The following MAP3K2 variants were observed in gnomAD, a reference collection of about 807,000 sequenced individuals.
The protein encoded by MAP3K2 is MAP/ERK kinase kinase 2.
MAP3K2 carries 24 observed loss-of-function variants against 80.3 expected under a neutral mutation model. The ratio of observed to expected loss-of-function variants is 0.30; its 90% CI spans 0.22 to 0.42. The LOEUF is 0.42. Ranked by LOEUF, MAP3K2 falls within the 10% of genes least tolerant of loss-of-function variation. MAP3K2 has a pLI of 1.00. For synonymous variants in MAP3K2, 244 were observed against 253.7 expected (o/e 0.96, Z 0.36); for missense variants, 608 against 750.1 (o/e 0.81, Z 2.21).
intron 1 of MAP3K2, among the ~76,000 whole-genome samples, chr2:127,345,125 A>G (rs896956912): frequency 1.3e-5 from 2 of 152,226 alleles, no homozygotes; most frequent in Non-Finnish European, 2.9e-5. Context: ...AAGTGCTGGG[A>G]CTACGAACCA....
Position 127,312,469 on chromosome 2 carries a change from T to G in MAP3K2, c.1456+2285A>C, listed in dbSNP as rs368846058. Reference sequence around the variant, plus strand: ...AAATACAGAAAAAGTATATAGGAGCTTGGCAACATAGCAATACCCTATCTC... The same window carrying G: ...AAATACAGAAAAAGTATATAGGAGCGTGGCAACATAGCAATACCCTATCTC... On this transcript the variant is annotated intron_variant, in intron 15 of 16. Transcript: ENST00000682094. 8.5e-5 allele frequency among the ~76,000 whole-genome samples: 13 copies of G among 152,288 alleles called. No individual in the cohort carries two copies. In the East Asian group the frequency reaches 2.3e-3, roughly 27 times the overall value.
Position 127,323,923 on chromosome 2 carries a change from G to A in MAP3K2, c.817C>T (p.His273Tyr). 6.5e-7 allele frequency: 1 copy of A among 1,534,676 alleles called. No homozygotes were observed. Among genetic ancestry groups the A allele is most frequent in the Non-Finnish European group, 8.9e-7 (1 of 1,125,832 alleles). Residue 273 changes from histidine to tyrosine, a missense_variant, in exon 11 of 17, where the codon CAT (histidine) becomes TAT (tyrosine). Transcript: ENST00000682094. ...TYPRRYHVSY[H>Y]HQEYNDGRKT... ...TTACCATCATTATACTCTTGATGATGATATGAAACATGATACCTTCTTGGA... is the reference window on the plus strand; with the variant it reads ...TTACCATCATTATACTCTTGATGATAATATGAAACATGATACCTTCTTGGA...
At position 127,336,985 on chromosome 2, in the gene MAP3K2, T is replaced by TA. The variant is rs1427847482; in HGVS notation, c.164+752dup. 2.0e-5 allele frequency among the ~76,000 whole-genome samples: 3 copies of TA among 151,924 alleles called. No homozygotes were observed. The East Asian group carries it at 5.8e-4, about 29-fold the overall frequency. ...GTGAAACCCTATCTCGACTAAAAAA[T>TA]ACGAAAATTAGCCAGGCATGGTGGC... On this transcript the variant is annotated intron_variant, in intron 4 of 16. Transcript: ENST00000682094.
rs1685572835 is a variant in MAP3K2 at position 127,300,624 on chromosome 2, C to T, written c.*6955G>A. Reference sequence around the variant, plus strand: ...TATAATATTTCAGAATTCAGGGTAGCAAATTTTAAAACCAATAACAATAGA... The same window carrying T: ...TATAATATTTCAGAATTCAGGGTAGTAAATTTTAAAACCAATAACAATAGA... On this transcript the variant is annotated 3_prime_UTR_variant, in exon 17 of 17. Coordinates refer to ENST00000682094, the MANE Select transcript of MAP3K2 (RefSeq NM_001371910.2). The T allele has an allele frequency of 6.6e-6, 1 of 152,186 alleles. No individual in the cohort carries two copies. Among genetic ancestry groups the T allele is most frequent in the South Asian group, 2.1e-4 (1 of 4,828 alleles). The allele number at this position is 152,186 out of a possible 1,614,324, so 9.4% of individuals were successfully genotyped here. A position where few individuals can be genotyped will look rare whatever the true frequency, so the allele number is the denominator to read the frequency against.
chr2:127,308,980 T>G (rs1685759014), intron 15 of MAP3K2, among the ~76,000 whole-genome samples: 1 of 152,164 alleles, frequency 6.6e-6, no homozygotes, highest in South Asian at 2.1e-4. Context: ...GTCAGCTGTG[T>G]GTTTAGGACC....
chr2:127,359,805 C>T (rs1181294520), intron 1 of MAP3K2, among the ~76,000 whole-genome samples: 1 of 152,166 alleles, frequency 6.6e-6, no homozygotes, highest in Non-Finnish European at 1.5e-5. Flanking sequence ...TGCTGGCTCC[C>T]CCTTCGCCTT....
intron 1 of MAP3K2, among the ~76,000 whole-genome samples, chr2:127,359,800 G>A (rs1383483457): frequency 6.6e-6 from 1 of 152,106 alleles, no homozygotes; most frequent in African/African-American, 2.4e-5. Flanking sequence ...TGAAGTGCTG[G>A]CTCCCCCTTC....
intron 1 of MAP3K2, among the ~76,000 whole-genome samples, chr2:127,378,952 G>A (rs1248133428): frequency 1.3e-5 from 2 of 149,142 alleles, no homozygotes; most frequent in South Asian, 2.1e-4. Flanking sequence ...GTGCTATCAC[G>A]TCTGGCTAAT....
chr2:127,387,423 A>ACACACACACACACACACGCGC (rs1553520024), intron 1 of MAP3K2, 29 bp downstream of exon 1: 1 of 442,066 alleles, frequency 2.3e-6, no homozygotes, highest in African/African-American at 6.3e-5. Flanking sequence ...CACACACACA[A>ACACACACACACACACACGCGC]GCGCGCGCGC....
intron 1 of MAP3K2, among the ~76,000 whole-genome samples, chr2:127,371,862 C>T (rs1214612720): frequency 6.6e-6 from 1 of 152,100 alleles, no homozygotes; most frequent in Non-Finnish European, 1.5e-5. Flanking sequence ...CAATGCAAGT[C>T]CAAATTTGAT....
chr2:127,368,586 C>T (rs1251788838), intron 1 of MAP3K2, among the ~76,000 whole-genome samples: 2 of 152,022 alleles, frequency 1.3e-5, no homozygotes, highest in Non-Finnish European at 2.9e-5. Context: ...CGTGCCACTG[C>T]ACTCCAGCCT....
At chr2:127,336,423 C>T (rs755777551) in intron 4 of MAP3K2, among the ~76,000 whole-genome samples, 4 of 152,166 alleles carry the variant, frequency 2.6e-5, no homozygotes, top group Non-Finnish European at 5.9e-5. Flanking sequence ...ATCATGTAGG[C>T]ATACTTCCAA....
chr2:127,388,228 T>C (rs893228175), upstream of MAP3K2: 3 of 862,824 alleles, frequency 3.5e-6, no homozygotes, highest in Admixed American at 6.9e-5. Flanking sequence ...TGCTGTTCCG[T>C]GTGCGCGGCG....
In MAP3K2 at chr2:127,321,225, T is replaced by C. The variant is rs529829147; in HGVS notation, c.1045+821A>G. ...ATGCAGTTTTTCAGGCAGAAGGAAT[T>C]TGATACCCAATAGATCTTGGATCTG... On this transcript the variant is annotated intron_variant, in intron 12 of 16. Coordinates refer to ENST00000682094, the MANE Select transcript of MAP3K2 (RefSeq NM_001371910.2). This position sits in a 1 kb window ranked among gnomAD's most constrained non-coding sequence, Gnocchi z 4.4. Among the ~76,000 whole-genome samples the C allele has an allele frequency of 9.8e-5, 15 of 152,318 alleles. No individual in the cohort carries two copies. Among genetic ancestry groups the C allele is most frequent in the African/African-American group, 3.1e-4 (13 of 41,578 alleles).
rs891779790 is a variant in MAP3K2 at position 127,364,200 on chromosome 2, T to A, written c.-65-21006A>T. On this transcript the variant is annotated intron_variant, in intron 1 of 16. Coordinates refer to ENST00000682094, the MANE Select transcript of MAP3K2 (RefSeq NM_001371910.2). The surrounding 1 kb of genome is among the most constrained non-coding windows in gnomAD (Gnocchi z 4.1). Reference sequence around the variant, plus strand: ...TCATCCCTTGAATACCCATCTCCCCTCTCTTTAGTAAATCTTACTACTAAT... The same window carrying A: ...TCATCCCTTGAATACCCATCTCCCCACTCTTTAGTAAATCTTACTACTAAT... Among the ~76,000 whole-genome samples, 9 of 152,074 alleles carry A rather than the reference T, an allele frequency of 5.9e-5. No individual in the cohort carries two copies. The highest frequency in any genetic ancestry group is 1.9e-4 in the African/African-American group (8 of 41,374).
chr2:127,386,933 G>C (rs1460426308), intron 1 of MAP3K2, among the ~76,000 whole-genome samples: 1 of 152,138 alleles, frequency 6.6e-6, no homozygotes, highest in Non-Finnish European at 1.5e-5. Flanking sequence ...TGAGCCTCAA[G>C]TTTTCACCTG....
intron 1 of MAP3K2, among the ~76,000 whole-genome samples, chr2:127,371,619 G>T (rs895800686): frequency 6.6e-6 from 1 of 152,184 alleles, no homozygotes; most frequent in African/African-American, 2.4e-5. Flanking sequence ...GCCACAGTCA[G>T]GGAACTTACA....
chr2:127,388,252 G>C (rs952458986), upstream of MAP3K2: 19 of 985,412 alleles, frequency 1.9e-5, no homozygotes, highest in African/African-American at 3.3e-4. Flanking sequence ...ACGCACCTGG[G>C]TTGTCTCGAG....
intron 1 of MAP3K2, among the ~76,000 whole-genome samples, chr2:127,361,826 A>T (rs1368885767): frequency 6.6e-6 from 1 of 152,248 alleles, no homozygotes; most frequent in African/African-American, 2.4e-5. Context: ...TTCAAAACCT[A>T]GCGGTAGTTA....
Sources: allele counts gnomAD v4.1 joint callset (sites outside exome capture counted in the v4.1 genomes callset), GRCh38; gene constraint gnomAD v4.1.1; non-coding constraint Gnocchi (gnomAD v3.1); transcripts MANE v1.5; gene names NCBI Gene and HGNC (gene_info 2026-07-23, HGNC 2026-07-21).